The following COLEC10 variants were observed in gnomAD, a reference collection of about 807,000 sequenced individuals.
COLEC10 encodes collectin-10.
COLEC10 carries 22 observed loss-of-function variants against 28.4 expected under a neutral mutation model. The ratio of observed to expected loss-of-function variants is 0.78; its 90% CI spans 0.55 to 1.11. COLEC10 has a LOEUF of 1.11. Ranked by LOEUF, COLEC10 falls within the 50% of genes least tolerant of loss-of-function variation. The pLI, the probability that COLEC10 is intolerant of heterozygous loss-of-function variation, is 0.00. For missense variants in COLEC10, 361 were observed against 344.1 expected (o/e 1.05, Z -0.39); for synonymous variants, 125 against 116.1 (o/e 1.08, Z -0.49).
intron 3 of COLEC10, among the ~76,000 whole-genome samples, chr8:119,093,617 C>T (rs919790297): frequency 9.9e-5 from 15 of 152,138 alleles, no homozygotes; most frequent in Non-Finnish European, 1.9e-4. Context: ...TAAAGTAAGA[C>T]AGATTCACCT....
intron 2 of COLEC10, among the ~76,000 whole-genome samples, chr8:119,011,342 C>T (rs755925334): frequency 6.6e-6 from 1 of 150,886 alleles, no homozygotes; most frequent in South Asian, 2.1e-4. Flanking sequence ...ATCTATTTGT[C>T]TATTCTTTTG....
At chr8:118,960,708 C>G in the COLEC10 span, among the ~76,000 whole-genome samples, 17 of 140,660 alleles carry the variant, frequency 1.2e-4, no homozygotes, top group African/African-American at 4.6e-4. Context: ...TCGCTTGAAC[C>G]GGTGGGGGGT....
the COLEC10 span, among the ~76,000 whole-genome samples, chr8:118,987,955 G>A: frequency 6.6e-6 from 1 of 152,230 alleles, no homozygotes; most frequent in Middle Eastern, 3.4e-3. Context: ...AATAAAAGCT[G>A]AACAAACTAA....
the COLEC10 span, among the ~76,000 whole-genome samples, chr8:118,958,796 C>T: frequency 2.0e-4 from 31 of 152,130 alleles, no homozygotes; most frequent in Non-Finnish European, 2.4e-4. Flanking sequence ...TTCTTGACCA[C>T]GATGCCAATT....
intron 1 of COLEC10, among the ~76,000 whole-genome samples, chr8:119,008,480 A>ATTTT (rs5894470): frequency 1.2e-4 from 18 of 145,454 alleles, no homozygotes; most frequent in South Asian, 2.1e-4. Context: ...TTTACTTTTT[A>ATTTT]TTTTTTTTTT....
chr8:119,077,992 G>A (rs553497946), intron 1 of COLEC10, among the ~76,000 whole-genome samples: 1 of 152,078 alleles, frequency 6.6e-6, no homozygotes, highest in African/African-American at 2.4e-5. Flanking sequence ...TGGCAGAAGA[G>A]CAAAAGAAAG....
At chr8:119,105,093 A>G (rs1157021555) in intron 5 of COLEC10, among the ~76,000 whole-genome samples, 1 of 152,150 alleles carries the variant, frequency 6.6e-6, no homozygotes, top group African/African-American at 2.4e-5. Flanking sequence ...ATTTGGTCCA[A>G]TGTGGACAAA....
intron 2 of COLEC10, among the ~76,000 whole-genome samples, chr8:119,060,522 G>A (rs572591400): frequency 2.0e-5 from 3 of 152,156 alleles, no homozygotes; most frequent in African/African-American, 7.2e-5. Context: ...TTTAACCCGT[G>A]GACATCTAGG....
intron 1 of COLEC10, among the ~76,000 whole-genome samples, chr8:119,089,247 CT>C (rs1815541353): frequency 6.6e-6 from 1 of 152,136 alleles, no homozygotes; most frequent in African/African-American, 2.4e-5. Context: ...GTCTCCTATT[CT>C]TAGCTTCCTA....
intron 1 of COLEC10, among the ~76,000 whole-genome samples, chr8:118,997,692 C>T (rs998661100): frequency 3.3e-5 from 5 of 152,116 alleles, no homozygotes; most frequent in Admixed American, 6.5e-5. Flanking sequence ...TCTTTGTAGG[C>T]TGGTCTTTTG....
In COLEC10 at chr8:119,000,199, C is replaced by T. The variant is rs570792768; in HGVS notation, n.122+4626C>T. On this transcript the variant is annotated intron_variant and non_coding_transcript_variant, in intron 1 of 6. Coordinates refer to the COLEC10 transcript ENST00000521788. ...GAGGAGCCAGCATAGAAGATGAGGT[C>T]ATTCTTTCCTGATTATTTTTCTGGG... Among the ~76,000 whole-genome samples, 6 of 152,202 alleles carry T rather than the reference C, an allele frequency of 3.9e-5. No individual in the cohort carries two copies. In the East Asian group the frequency reaches 1.2e-3, roughly 29 times the overall value.
intron 3 of COLEC10, among the ~76,000 whole-genome samples, chr8:119,097,781 G>A (rs1815750082): frequency 6.6e-6 from 1 of 152,074 alleles, no homozygotes; most frequent in South Asian, 2.1e-4. Context: ...AAGATCTCAT[G>A]TATTGCTCGT....
At chr8:119,057,378 T>C (rs1814783157) in intron 2 of COLEC10, among the ~76,000 whole-genome samples, 1 of 152,094 alleles carries the variant, frequency 6.6e-6, no homozygotes, top group Non-Finnish European at 1.5e-5. Context: ...CAGTCTTAGG[T>C]ATTTATTTAT....
At chr8:118,970,788 T>C in the COLEC10 span, among the ~76,000 whole-genome samples, 3 of 152,026 alleles carry the variant, frequency 2.0e-5, no homozygotes, top group Non-Finnish European at 4.4e-5. Context: ...ACTATAATTA[T>C]GTCCATTTTA....
upstream of COLEC10, among the ~76,000 whole-genome samples, chr8:118,994,920 A>G (rs1813564577): frequency 6.6e-6 from 1 of 152,184 alleles, no homozygotes. Flanking sequence ...GCACTGACAA[A>G]GGGACCCTTC....
At chr8:119,023,840 CA>C (rs1281472322) in intron 2 of COLEC10, among the ~76,000 whole-genome samples, 6 of 151,944 alleles carry the variant, frequency 3.9e-5, no homozygotes, top group Non-Finnish European at 8.8e-5. Flanking sequence ...TTTTAATGGG[CA>C]AAAGCAGGAT....
intron 2 of COLEC10, among the ~76,000 whole-genome samples, chr8:119,024,106 G>A (rs558005974): frequency 1.3e-5 from 2 of 152,200 alleles, no homozygotes; most frequent in African/African-American, 4.8e-5. Flanking sequence ...TTCAGAAAAA[G>A]TGCCTTAAAT....
In COLEC10 at chr8:119,106,042, C is replaced by T. The variant is rs1815934368; in HGVS notation, c.685C>T (p.Gln229Ter). Residue 229 changes from glutamine (Q) to a stop codon, truncating the protein, a stop_gained, in exon 6 of 6, where the codon CAG becomes TAG. Transcript: ENST00000332843. LOFTEE classifies it high-confidence loss of function. Reference sequence around the variant, plus strand: ...CATGTTCACAGACAACACTCCACTGCAGAACTATAGCAACTGGAATGAGGG... The same window carrying T: ...CATGTTCACAGACAACACTCCACTGTAGAACTATAGCAACTGGAATGAGGG... ...QYMFTDNTPLQNYSNWNEGEP... is the reference protein window; with the variant it reads ...QYMFTDNTPL 1 of 1,613,882 alleles carries T rather than the reference C, an allele frequency of 6.2e-7. No homozygotes were observed. The highest frequency in any genetic ancestry group is 1.1e-5 in the South Asian group (1 of 91,084).
rs370918512 is a variant in COLEC10, at chr8:118,999,328, C to CG, written n.122+3756dup. On this transcript the variant is annotated intron_variant and non_coding_transcript_variant, in intron 1 of 6. Coordinates refer to the COLEC10 transcript ENST00000521788. ...TAGAGGTCTGATAAAGAAGAGCAAT[C>CG]GCCTGTAATCCCAGCACTTTGGGAG... Among the ~76,000 whole-genome samples the CG allele has an allele frequency of 6.4e-3, 969 of 152,074 alleles. 3 individuals carry two copies. The highest frequency in any genetic ancestry group is 8.7e-3 in the Non-Finnish European group (591 of 67,994).
Sources: gnomAD v4.1 joint callset for allele counts (sites outside exome capture counted in the v4.1 genomes callset) on GRCh38, gnomAD v4.1.1 for gene constraint, MANE v1.5 for transcripts, NCBI Gene and HGNC (gene_info 2026-07-23, HGNC 2026-07-21) for gene names.